Variants in MPP7 observed in about 807,000 individuals in gnomAD.
MPP7 encodes the protein MAGUK p55 scaffold protein 7.
A neutral mutation model predicts 76.5 loss-of-function variants in MPP7; 60 were observed. The ratio of observed to expected loss-of-function variants is 0.78; its 90% CI spans 0.64 to 0.97. The LOEUF (loss-of-function observed/expected upper bound fraction) is 0.97. MPP7 is among the 50% of genes least tolerant of loss of function. The probability of loss-of-function intolerance (pLI) is 0.00; values close to 1 mark genes in which losing one functional copy is unlikely to be tolerated. For missense variants in MPP7, 641 were observed against 694.0 expected, an observed-to-expected ratio of 0.92 and a Z score of 0.86; for synonymous variants, 237 against 244.5, an observed-to-expected ratio of 0.97 and a Z score of 0.29.
intron 13 of MPP7, among the ~76,000 whole-genome samples, chr10:28,060,805 C>G (rs918660358): frequency 6.6e-6 from 1 of 152,202 alleles, no homozygotes; most frequent in African/African-American, 2.4e-5. Flanking sequence ...CTGTGCTACA[C>G]ACATGTAGTT....
At chr10:28,123,078 T>G (rs923576210) in intron 8 of MPP7, among the ~76,000 whole-genome samples, 11 of 152,202 alleles carry the variant, frequency 7.2e-5, no homozygotes, top group African/African-American at 2.7e-4. Flanking sequence ...TATGAAATGT[T>G]CCACTGTTTT....
intron 3 of MPP7, among the ~76,000 whole-genome samples, chr10:28,162,341 C>T (rs1044396598): frequency 6.6e-6 from 1 of 152,128 alleles, no homozygotes; most frequent in Non-Finnish European, 1.5e-5. Context: ...AAATAATATA[C>T]AGTACAAATT....
At chr10:28,143,167 T>C (rs1433054770) in intron 5 of MPP7, among the ~76,000 whole-genome samples, 3 of 152,106 alleles carry the variant, frequency 2.0e-5, no homozygotes, top group Admixed American at 2.0e-4. Flanking sequence ...GAAAAAACAT[T>C]TAATATTTAT....
intron 6 of MPP7, among the ~76,000 whole-genome samples, chr10:28,125,518 T>C (rs930983061): frequency 4.6e-5 from 7 of 152,160 alleles, no homozygotes; most frequent in Non-Finnish European, 1.0e-4. Flanking sequence ...AGATTCTATA[T>C]GTTAAAAAAC....
intron 2 of MPP7, 108 bp downstream of exon 2, chr10:28,238,460 G>A (rs1487667480): frequency 1.6e-6 from 2 of 1,231,634 alleles, no homozygotes; most frequent in Non-Finnish European, 2.4e-6. Flanking sequence ...GTTGGTGACA[G>A]AAAAACAAGC....
Position 28,184,989 on chromosome 10 carries a change from T to A in MPP7, c.156+17164A>T, listed in dbSNP as rs1341785022. ...TCTTAATATATTATTTATTAATTGA[T>A]ATATTAATATGTAATTATTATATCA... is the stretch of plus-strand genomic sequence containing the variant. On this transcript the variant is annotated intron_variant, in intron 3 of 16. Coordinates refer to ENST00000683449, the MANE Select transcript of MPP7 (RefSeq NM_001318170.2). 6.8e-5 allele frequency among the ~76,000 whole-genome samples: 10 copies of A among 147,552 alleles called. No individual in the cohort carries two copies. The South Asian group carries it at 1.9e-3, about 28-fold the overall frequency.
intron 12 of MPP7, among the ~76,000 whole-genome samples, chr10:28,085,022 T>G (rs1325557120): frequency 6.6e-6 from 1 of 152,186 alleles, no homozygotes; most frequent in African/African-American, 2.4e-5. Flanking sequence ...GACTCACATC[T>G]AAACTTTCAC....
chr10:28,205,976 C>T (rs528760415), intron 2 of MPP7, among the ~76,000 whole-genome samples: 2 of 152,282 alleles, frequency 1.3e-5, no homozygotes, highest in African/African-American at 4.8e-5. Flanking sequence ...TCTTCTCCCT[C>T]TCTTTGCCTT....
intron 1 of MPP7, among the ~76,000 whole-genome samples, chr10:28,254,004 GAAAAAA>G (rs199511617): frequency 9.7e-5 from 9 of 92,318 alleles, no homozygotes; most frequent in East Asian, 3.8e-4. Flanking sequence ...TCACAAAAAA[GAAAAAA>G]AAAAAAAAAA....
At chr10:28,149,911 A>G (rs1052479664) in intron 4 of MPP7, 71 bp downstream of exon 4, 2 of 758,450 alleles carry the variant, frequency 2.6e-6, no homozygotes, top group Non-Finnish European at 3.8e-6. Flanking sequence ...ATCTGTCTGC[A>G]CTAGGACAGG....
chr10:28,146,564 A>C (rs1564657515), intron 5 of MPP7, among the ~76,000 whole-genome samples: 1 of 151,844 alleles, frequency 6.6e-6, no homozygotes. Flanking sequence ...ACATGTTTTT[A>C]ACCTCATCTT....
intron 1 of MPP7, among the ~76,000 whole-genome samples, chr10:28,298,272 T>C (rs77616432): frequency 0.015 from 2,298 of 152,332 alleles, 37 homozygotes; most frequent in East Asian, 0.071. Context: ...CTATGGCAGC[T>C]ATAGCTTTAC....
intron 2 of MPP7, among the ~76,000 whole-genome samples, chr10:28,233,235 C>T (rs1838949223): frequency 6.6e-6 from 1 of 152,090 alleles, no homozygotes; most frequent in African/African-American, 2.4e-5. Context: ...GGGGAAGAGG[C>T]TACAATGATC....
At chr10:28,059,603 G>A (rs1851695330) in intron 14 of MPP7, 47 bp downstream of exon 14, 4 of 1,241,724 alleles carry the variant, frequency 3.2e-6, no homozygotes, top group African/African-American at 1.5e-5. Flanking sequence ...ACAGGCATGT[G>A]CTTATAAAAA....
rs1438532107 is a variant in MPP7 at position 28,125,072 on chromosome 10, T to C, written c.467A>G (p.Asp156Gly). ...REPLGATIKK[D>G]EQTGAIIVAR... ...CACAATGATCGCCCCGGTCTGTTCA[T>C]CCTTCTTAATGGTAGCTCCCTTTTA... Residue 156 changes from aspartate (D) to glycine (G), a missense_variant, in exon 7 of 17, where the codon GAT (aspartate) becomes GGT (glycine). Coordinates refer to ENST00000683449, the MANE Select transcript of MPP7 (RefSeq NM_001318170.2). The C allele has an allele frequency of 1.2e-6, 2 of 1,614,040 alleles. No individual in the cohort carries two copies. Among genetic ancestry groups the C allele is most frequent in the South Asian group, 1.1e-5 (1 of 91,074 alleles).
chr10:28,154,278 C>G (rs1835977578), intron 3 of MPP7, among the ~76,000 whole-genome samples: 1 of 152,128 alleles, frequency 6.6e-6, no homozygotes, highest in African/African-American at 2.4e-5. Flanking sequence ...TCTCATCTTC[C>G]CACTCACTAA....
intron 12 of MPP7, among the ~76,000 whole-genome samples, chr10:28,078,223 G>A (rs902890935): frequency 6.6e-6 from 1 of 152,190 alleles, no homozygotes; most frequent in Non-Finnish European, 1.5e-5. Flanking sequence ...CTCATCCCCA[G>A]TCCACGCAAT....
chr10:28,182,316 AT>A (rs910844013), intron 3 of MPP7, among the ~76,000 whole-genome samples: 1 of 152,238 alleles, frequency 6.6e-6, no homozygotes, highest in African/African-American at 2.4e-5. Flanking sequence ...GTTGGTAAGT[AT>A]TTTAATTAAT....
At chr10:28,126,048 A>G (rs781033030) in intron 6 of MPP7, among the ~76,000 whole-genome samples, 1 of 152,250 alleles carries the variant, frequency 6.6e-6, no homozygotes, top group Non-Finnish European at 1.5e-5. Flanking sequence ...CAATAAACAC[A>G]TTTATATCAT....
Sources: allele counts gnomAD v4.1 joint callset (sites outside exome capture counted in the v4.1 genomes callset), GRCh38; gene constraint gnomAD v4.1.1; transcripts MANE v1.5; gene names NCBI Gene and HGNC (gene_info 2026-07-23, HGNC 2026-07-21).